TOX: variants seen among roughly 807,000 people sequenced by gnomAD.
TOX encodes thymocyte selection-associated high mobility group box protein TOX.
Under a neutral mutation model 53.7 loss-of-function variants are expected in TOX, and 11 were observed. That is an observed-to-expected ratio of 0.20 (90% CI 0.13 to 0.34). The LOEUF is 0.34. Ranked by LOEUF, TOX falls within the 10% of genes least tolerant of loss-of-function variation. The pLI, the probability that TOX is intolerant of heterozygous loss-of-function variation, is 1.00. For synonymous variants in TOX, 225 were observed against 245.3 expected (o/e 0.92, Z 0.77); for missense variants, 570 against 664.6 (o/e 0.86, Z 1.56).
At chr8:58,928,633 T>TAG (rs1185808569) in intron 3 of TOX, among the ~76,000 whole-genome samples, 3 of 150,736 alleles carry the variant, frequency 2.0e-5, no homozygotes, top group African/African-American at 7.3e-5. Flanking sequence ...TCAAGCACTA[T>TAG]ATATATATAT....
chr8:58,900,582 A>G lies in TOX; in HGVS notation c.411+38720T>C, dbSNP rs570463648. Among the ~76,000 whole-genome samples, 4 of 152,274 alleles carry G rather than the reference A, an allele frequency of 2.6e-5. No individual in the cohort carries two copies. The South Asian group carries it at 8.3e-4, about 32-fold the overall frequency. On this transcript the variant is annotated intron_variant, in intron 3 of 8. Transcript: ENST00000361421. Reference sequence around the variant, plus strand: ...AGAAGATTTGATTTACTTTAAATTGAAAAAATGCTCATACAATATGACAAT... The same window carrying G: ...AGAAGATTTGATTTACTTTAAATTGGAAAAATGCTCATACAATATGACAAT...
chr8:58,969,379 TTTACATA>T (rs1812960134), intron 1 of TOX, among the ~76,000 whole-genome samples: 1 of 152,196 alleles, frequency 6.6e-6, no homozygotes, highest in African/African-American at 2.4e-5. Flanking sequence ...CAAAGCTCTG[TTTACATA>T]TCTTTTGCAT....
At chr8:59,109,694 A>G (rs1804978279) in intron 1 of TOX, among the ~76,000 whole-genome samples, 1 of 152,172 alleles carries the variant, frequency 6.6e-6, no homozygotes, top group South Asian at 2.1e-4. Context: ...AATGTTGGTT[A>G]TAACTAATTG....
At chr8:58,810,989 T>C (rs879907533) in intron 7 of TOX, among the ~76,000 whole-genome samples, 1 of 152,230 alleles carries the variant, frequency 6.6e-6, no homozygotes, top group Admixed American at 6.5e-5. Context: ...GTTCAAAGAT[T>C]TAAACTTCAG....
intron 1 of TOX, among the ~76,000 whole-genome samples, chr8:59,093,635 C>T (rs931557472): frequency 2.0e-5 from 3 of 152,142 alleles, no homozygotes; most frequent in Admixed American, 6.6e-5. Context: ...TTTCTTTCTC[C>T]TGCAAAGTAT....
intron 1 of TOX, among the ~76,000 whole-genome samples, chr8:59,067,631 T>C (rs1368848960): frequency 1.3e-5 from 2 of 151,934 alleles, no homozygotes; most frequent in Admixed American, 6.6e-5. Context: ...CTAAACATAT[T>C]CTCTCCTTCC....
At chr8:58,867,835 T>C (rs1563374471) in intron 3 of TOX, among the ~76,000 whole-genome samples, 1 of 152,180 alleles carries the variant, frequency 6.6e-6, no homozygotes, top group Non-Finnish European at 1.5e-5. Flanking sequence ...TACTGCTCTG[T>C]TGTCAGTGCC....
intron 1 of TOX, among the ~76,000 whole-genome samples, chr8:59,005,688 G>T (rs1412370847): frequency 6.6e-6 from 1 of 151,986 alleles, no homozygotes; most frequent in Non-Finnish European, 1.5e-5. Flanking sequence ...AATAAGGAAA[G>T]ACCTGCTAAT....
intron 1 of TOX, among the ~76,000 whole-genome samples, chr8:59,018,039 G>C (rs1234360544): frequency 6.6e-6 from 1 of 151,924 alleles, no homozygotes; most frequent in Non-Finnish European, 1.5e-5. Context: ...TTGCATAAAG[G>C]CTTTATTTTT....
At chr8:58,996,081 CT>C (rs767345669) in intron 1 of TOX, among the ~76,000 whole-genome samples, 6 of 152,172 alleles carry the variant, frequency 3.9e-5, no homozygotes, top group Non-Finnish European at 8.8e-5. Flanking sequence ...CAGTTTTACT[CT>C]TTCTGACAAG....
intron 1 of TOX, among the ~76,000 whole-genome samples, chr8:59,023,324 C>T (rs1423156069): frequency 6.6e-6 from 1 of 152,232 alleles, no homozygotes; most frequent in Non-Finnish European, 1.5e-5. Flanking sequence ...TTCACACTCT[C>T]ATGAGCTGTG....
chr8:58,914,834 AGT>A (rs1479854285), intron 3 of TOX, among the ~76,000 whole-genome samples: 6 of 151,748 alleles, frequency 4.0e-5, no homozygotes, highest in Admixed American at 6.5e-5. Flanking sequence ...GGCGCAGGCC[AGT>A]GTGTGCGCGC....
intron 1 of TOX, among the ~76,000 whole-genome samples, chr8:59,079,680 G>A (rs187955772): frequency 1.3e-5 from 2 of 152,246 alleles, no homozygotes; most frequent in Non-Finnish European, 2.9e-5. Context: ...TGCTGTAGGG[G>A]TGAAGCCCCA....
At chr8:58,859,930 G>T (rs1810979868) in intron 3 of TOX, among the ~76,000 whole-genome samples, 2 of 152,196 alleles carry the variant, frequency 1.3e-5, no homozygotes, top group African/African-American at 2.4e-5. Context: ...ACAGAGAGAA[G>T]GGGGACCCTG....
intron 3 of TOX, among the ~76,000 whole-genome samples, chr8:58,869,418 A>G (rs1456112608): frequency 2.0e-5 from 3 of 152,138 alleles, no homozygotes; most frequent in African/African-American, 4.8e-5. Flanking sequence ...CAATCTTCCA[A>G]AAAAAATCAC....
chr8:59,030,290 T>A (rs556624924), intron 1 of TOX, among the ~76,000 whole-genome samples: 2 of 152,320 alleles, frequency 1.3e-5, no homozygotes, highest in South Asian at 4.1e-4. Flanking sequence ...CATCTTAAGA[T>A]GTAGGGGCCC....
At chr8:59,081,390 G>A (rs1804405606) in intron 1 of TOX, among the ~76,000 whole-genome samples, 3 of 152,078 alleles carry the variant, frequency 2.0e-5, no homozygotes, top group Admixed American at 6.6e-5. Flanking sequence ...AAGTTAATTC[G>A]GGATTGCAGC....
chr8:59,087,148 A>G (rs1804526889), intron 1 of TOX, among the ~76,000 whole-genome samples: 1 of 152,216 alleles, frequency 6.6e-6, no homozygotes, highest in South Asian at 2.1e-4. Flanking sequence ...AAAGATTTCT[A>G]TATCTAAACT....
At chr8:59,106,571 G>C (rs1054011706) in intron 1 of TOX, among the ~76,000 whole-genome samples, 4 of 151,968 alleles carry the variant, frequency 2.6e-5, no homozygotes, top group Non-Finnish European at 5.9e-5. Flanking sequence ...TTCTCTTTTT[G>C]GAAAAATTGC....
Sources: allele counts gnomAD v4.1 joint callset (sites outside exome capture counted in the v4.1 genomes callset), GRCh38; gene constraint gnomAD v4.1.1; transcripts MANE v1.5; gene names NCBI Gene and HGNC (gene_info 2026-07-23, HGNC 2026-07-21).